Variants in MAGI2 observed in about 807,000 individuals in gnomAD.
The protein encoded by MAGI2 is membrane-associated guanylate kinase, WW and PDZ domain-containing protein 2.
MAGI2 carries 35 observed loss-of-function variants against 133.3 expected under a neutral mutation model. The ratio of observed to expected loss-of-function variants is 0.26; its 90% CI spans 0.20 to 0.35. The LOEUF is 0.35. MAGI2 is among the 10% of genes least tolerant of loss of function. The pLI, the probability that MAGI2 is intolerant of heterozygous loss-of-function variation, is 1.00. For synonymous variants in MAGI2, 729 were observed against 710.6 expected (o/e 1.03, Z -0.41); for missense variants, 1,636 against 1,863.4 (o/e 0.88, Z 2.25).
chr7:78,922,651 A>G lies in MAGI2; in HGVS notation c.418+84439T>C, dbSNP rs193123799. On this transcript the variant is annotated intron_variant, in intron 2 of 21. Coordinates refer to ENST00000354212, the MANE Select transcript of MAGI2 (RefSeq NM_012301.4). ...TATTGTGAATAATGCCGCAATAAACATAACTGTGTATGTGTCTTTATAGCA... is the reference window on the plus strand; with the variant it reads ...TATTGTGAATAATGCCGCAATAAACGTAACTGTGTATGTGTCTTTATAGCA... Among the ~76,000 whole-genome samples, 118 of 152,324 alleles carry G rather than the reference A, an allele frequency of 7.7e-4. 4 individuals carry two copies. In the East Asian group the frequency reaches 0.016, roughly 20 times the overall value.
intron 1 of MAGI2, among the ~76,000 whole-genome samples, chr7:79,281,903 T>C (rs1835672519): frequency 6.6e-6 from 1 of 152,176 alleles, no homozygotes; most frequent in East Asian, 1.9e-4. Flanking sequence ...CACTTTTAAT[T>C]GAAAATTATA....
chr7:78,464,349 G>C (rs993023493), intron 6 of MAGI2, among the ~76,000 whole-genome samples: 1 of 152,024 alleles, frequency 6.6e-6, no homozygotes, highest in Non-Finnish European at 1.5e-5. Context: ...ACAATTTTTA[G>C]TTCATGCCTT....
chr7:78,795,994 T>A (rs986036093), intron 2 of MAGI2, among the ~76,000 whole-genome samples: 1 of 152,058 alleles, frequency 6.6e-6, no homozygotes, highest in Non-Finnish European at 1.5e-5. Flanking sequence ...GCAAATGAAA[T>A]ACACACTTAA....
intron 9 of MAGI2, among the ~76,000 whole-genome samples, chr7:78,317,358 T>C (rs948695892): frequency 1.3e-5 from 2 of 152,210 alleles, no homozygotes; most frequent in African/African-American, 4.8e-5. Context: ...ACCAACAGTG[T>C]ACTGTTTCTG....
intron 1 of MAGI2, among the ~76,000 whole-genome samples, chr7:79,397,615 G>C (rs1845153877): frequency 2.0e-5 from 3 of 152,012 alleles, no homozygotes; most frequent in Admixed American, 2.0e-4. Flanking sequence ...CCAGCTTTTA[G>C]TATTAACATT....
intron 2 of MAGI2, among the ~76,000 whole-genome samples, chr7:78,882,086 C>CAAAAAAAAAAAAAAAAAAAAA (rs771918590): frequency 5.6e-4 from 7 of 12,466 alleles, no homozygotes; most frequent in Admixed American, 1.4e-3. Context: ...ACAACAACAA[C>CAAAAAAAAAAAAAAAAAAAAA]AAAAAAAAAA....
intron 3 of MAGI2, among the ~76,000 whole-genome samples, chr7:78,571,813 T>C (rs1801528523): frequency 6.6e-6 from 1 of 152,216 alleles, no homozygotes; most frequent in Non-Finnish European, 1.5e-5. Flanking sequence ...TGAGTTAGTT[T>C]CTAGCCTCAA....
intron 1 of MAGI2, among the ~76,000 whole-genome samples, chr7:79,385,466 G>A (rs1844108402): frequency 1.3e-5 from 2 of 151,922 alleles, no homozygotes; most frequent in Admixed American, 6.6e-5. Context: ...ATGGTAGGAA[G>A]TCCACTGTAT....
chr7:79,325,225 G>A (rs1426154931), intron 1 of MAGI2, among the ~76,000 whole-genome samples: 1 of 151,844 alleles, frequency 6.6e-6, no homozygotes, highest in Non-Finnish European at 1.5e-5. Context: ...TGCCACTGTC[G>A]CCCAGCCCCT....
At chr7:78,245,528 A>T (rs776979179) in intron 10 of MAGI2, among the ~76,000 whole-genome samples, 1 of 152,214 alleles carries the variant, frequency 6.6e-6, no homozygotes, top group Non-Finnish European at 1.5e-5. Context: ...AAAGGAGAGC[A>T]CTAGTGCACA....
At chr7:78,506,231 C>T (rs888180124) in intron 4 of MAGI2, among the ~76,000 whole-genome samples, 9 of 151,922 alleles carry the variant, frequency 5.9e-5, no homozygotes, top group Admixed American at 1.3e-4. Flanking sequence ...TTATAACCTG[C>T]CATGGTGGGT....
intron 15 of MAGI2, among the ~76,000 whole-genome samples, chr7:78,164,004 T>C (rs1524742): frequency 0.098 from 14,975 of 152,190 alleles, 802 homozygotes; most frequent in East Asian, 0.17. Context: ...TGGCACCAGT[T>C]GGCTGGAGCT....
At chr7:79,396,776 T>C (rs1845089233) in intron 1 of MAGI2, among the ~76,000 whole-genome samples, 1 of 152,276 alleles carries the variant, frequency 6.6e-6, no homozygotes, top group African/African-American at 2.4e-5. Context: ...TAATACGTAT[T>C]ACTTTTAAAA....
chr7:79,020,208 G>A (rs950007939), intron 1 of MAGI2, among the ~76,000 whole-genome samples: 1 of 152,142 alleles, frequency 6.6e-6, no homozygotes, highest in Non-Finnish European at 1.5e-5. Context: ...CCTTAGAGAC[G>A]TGTGGAACTT....
intron 1 of MAGI2, among the ~76,000 whole-genome samples, chr7:79,284,844 C>A (rs1835889715): frequency 1.3e-5 from 2 of 151,966 alleles, no homozygotes; most frequent in South Asian, 4.1e-4. Context: ...ATAAAGGGTG[C>A]TATTTGTGCA....
intron 5 of MAGI2, among the ~76,000 whole-genome samples, chr7:78,498,773 C>G (rs1380885254): frequency 2.6e-5 from 4 of 152,040 alleles, no homozygotes; most frequent in African/African-American, 9.7e-5. Context: ...TGTTGGGGAG[C>G]AGGCGGGCAG....
chr7:79,013,365 T>G (rs1424379369), intron 1 of MAGI2, among the ~76,000 whole-genome samples: 1 of 152,164 alleles, frequency 6.6e-6, no homozygotes, highest in Admixed American at 6.5e-5. Context: ...GGAAAGTAGT[T>G]AAGCAAAGCA....
Position 78,178,082 on chromosome 7 carries a change from C to T in MAGI2, c.2332G>A (p.Asp778Asn). The T allele has an allele frequency of 6.2e-7, 1 of 1,612,614 alleles. No homozygotes were observed. The highest frequency in any genetic ancestry group is 1.7e-5 in the Admixed American group (1 of 59,984). Residue 778 changes from aspartate to asparagine, a missense_variant, in exon 14 of 22, where the codon GAT (aspartate) becomes AAT (asparagine). This residue lies in a region of MAGI2 where 920 missense variants were observed against 1,093.5 expected (regional missense o/e 0.84). Transcript: ENST00000354212. Reference sequence around the variant, plus strand: ...GACTCCATCCTCCGAAGATGAACATCCAATTCCTTATAATCTGGACCTGGC... The same window carrying T: ...GACTCCATCCTCCGAAGATGAACATTCAATTCCTTATAATCTGGACCTGGC... Reference protein sequence around the residue: ...DSSGPDYKELDVHLRRMESGF... With the variant: ...DSSGPDYKELNVHLRRMESGF...
chr7:78,657,982 TA>T (rs989717827), intron 2 of MAGI2, among the ~76,000 whole-genome samples: 2 of 151,978 alleles, frequency 1.3e-5, no homozygotes, highest in African/African-American at 4.8e-5. Flanking sequence ...TTAAGTCTAT[TA>T]AAAAAAAGAA....
Sources: gnomAD v4.1 joint callset for allele counts (sites outside exome capture counted in the v4.1 genomes callset) on GRCh38, gnomAD v4.1.1 for gene constraint, gnomAD v4.1.1 regional missense constraint, MANE v1.5 for transcripts, NCBI Gene and HGNC (gene_info 2026-07-23, HGNC 2026-07-21) for gene names.